Variants in CBLN2 observed in about 807,000 individuals in gnomAD.
CBLN2 encodes cerebellin 2 precursor.
A neutral mutation model predicts 15.0 loss-of-function variants in CBLN2; 7 were observed. The observed-to-expected ratio is 0.47, with a 90% CI of 0.27 to 0.88. The LOEUF (loss-of-function observed/expected upper bound fraction) is 0.88. Among genes scored for constraint, CBLN2 ranks in the 40% least tolerant of loss-of-function variants. CBLN2 has a pLI of 0.14. For synonymous variants in CBLN2, 149 were observed against 135.2 expected (o/e 1.10, Z -0.71); for missense variants, 242 against 304.5 (o/e 0.79, Z 1.53).
In CBLN2 at chr18:72,537,561, T is replaced by C. The variant is rs553546398; in HGVS notation, c.*615A>G. 6.5e-6 allele frequency: 1 copy of C among 152,728 alleles called. No homozygotes were observed. The highest frequency in any genetic ancestry group is 1.5e-5 in the Non-Finnish European group (1 of 68,048). 9.5% of individuals were successfully genotyped at this position (152,728 alleles called of 1,614,324 possible). Reference sequence around the variant, plus strand: ...AAACACAAACAATACAAAACAAAAATTGCAGTCCAATCGTGCAAAATTTGC... The same window carrying C: ...AAACACAAACAATACAAAACAAAAACTGCAGTCCAATCGTGCAAAATTTGC... On this transcript the variant is annotated 3_prime_UTR_variant, in exon 5 of 5. Transcript: ENST00000269503.
At chr18:72,633,482 C>T (rs942159928) in intron 1 of CBLN2, among the ~76,000 whole-genome samples, 13 of 152,172 alleles carry the variant, frequency 8.5e-5, no homozygotes, top group African/African-American at 3.1e-4. Context: ...CTTAAAACAT[C>T]ACCAGCTTAT....
chr18:72,591,657 C>T (rs2069480532), intron 1 of CBLN2, among the ~76,000 whole-genome samples: 1 of 152,092 alleles, frequency 6.6e-6, no homozygotes, highest in Non-Finnish European at 1.5e-5. Context: ...ACTACCCTTC[C>T]CAGCCTTTGG....
In CBLN2 at chr18:72,538,794, A is replaced by G. The variant is rs762619367; in HGVS notation, c.358-22T>C. 4 of 1,611,564 alleles carry G rather than the reference A, an allele frequency of 2.5e-6. No homozygotes were observed. The East Asian group carries it at 8.9e-5, about 36-fold the overall frequency. On this transcript the variant is annotated intron_variant, in intron 3 of 4. Coordinates refer to ENST00000269503, the MANE Select transcript of CBLN2 (RefSeq NM_182511.4). Reference sequence around the variant, plus strand: ...ATACCTGAAAAAGAAGAGGGAACACAGCACACAATGGCAAGCCCCTCCTCG... The same window carrying G: ...ATACCTGAAAAAGAAGAGGGAACACGGCACACAATGGCAAGCCCCTCCTCG...
Position 72,543,771 on chromosome 18 carries a change from C to T in CBLN2, c.-212+206G>A, listed in dbSNP as rs1185584466. ...CTGTGCGCCCAGGTGCCTCCAACCC[C>T]TGGGCTTCGCGCCCGCACCGCTGCC... On this transcript the variant is annotated intron_variant, in intron 1 of 4. Coordinates refer to ENST00000269503, the MANE Select transcript of CBLN2 (RefSeq NM_182511.4). This position sits in a 1 kb window ranked among gnomAD's most constrained non-coding sequence, Gnocchi z 6.8. 6.6e-6 allele frequency among the ~76,000 whole-genome samples: 1 copy of T among 151,870 alleles called. No homozygotes were observed. The highest frequency in any genetic ancestry group is 2.4e-5 in the African/African-American group (1 of 41,418).
intron 1 of CBLN2, among the ~76,000 whole-genome samples, chr18:72,609,821 G>A (rs768824400): frequency 6.6e-6 from 1 of 152,172 alleles, no homozygotes; most frequent in African/African-American, 2.4e-5. Flanking sequence ...AATGGAAATC[G>A]TTGTCACTAG....
intron 1 of CBLN2, among the ~76,000 whole-genome samples, chr18:72,625,987 T>C (rs1397313500): frequency 6.6e-6 from 1 of 151,672 alleles, no homozygotes; most frequent in Non-Finnish European, 1.5e-5. Flanking sequence ...AGTGTCCATT[T>C]CCGGTCATTT....
chr18:72,620,163 C>A (rs889659567), intron 1 of CBLN2: 3 of 152,294 alleles, frequency 2.0e-5, no homozygotes, highest in Non-Finnish European at 4.4e-5. Context: ...CCATGGACAG[C>A]TTAAATGTTA....
chr18:72,564,981 C>T (rs915572542), intron 1 of CBLN2, among the ~76,000 whole-genome samples: 7 of 152,010 alleles, frequency 4.6e-5, no homozygotes, highest in South Asian at 2.1e-4. Context: ...TAGGAGAGAA[C>T]GAGAAGACAT....
At chr18:72,538,541 T>G in intron 4 of CBLN2, 112 bp downstream of exon 4, 1 of 1,499,092 alleles carries the variant, frequency 6.7e-7, no homozygotes, top group Admixed American at 1.7e-5. Context: ...CATCACCCCC[T>G]GGACAGACCA....
intron 1 of CBLN2, among the ~76,000 whole-genome samples, chr18:72,619,469 A>C (rs1456267056): frequency 2.0e-5 from 3 of 152,212 alleles, no homozygotes; most frequent in South Asian, 2.1e-4. Context: ...CATTCCAACA[A>C]AGGGTTTTAA....
chr18:72,621,339 C>T (rs750732463), intron 1 of CBLN2, among the ~76,000 whole-genome samples: 3 of 152,014 alleles, frequency 2.0e-5, no homozygotes, highest in Admixed American at 6.5e-5. Flanking sequence ...TAATATTTTA[C>T]GTGATATTTT....
At chr18:72,634,324 T>C (rs1178947707) in intron 1 of CBLN2, among the ~76,000 whole-genome samples, 1 of 152,082 alleles carries the variant, frequency 6.6e-6, no homozygotes, top group African/African-American at 2.4e-5. Context: ...TAGTATTTCT[T>C]CTTTCTTTTT....
intron 1 of CBLN2, among the ~76,000 whole-genome samples, chr18:72,600,925 G>C (rs1413909662): frequency 6.6e-6 from 1 of 152,202 alleles, no homozygotes; most frequent in African/African-American, 2.4e-5. Context: ...GGTCCCAGCA[G>C]AGTCTGCAGT....
rs542378092 is a variant in CBLN2, at chr18:72,575,492, G to A, written c.16-36720C>T. Among the ~76,000 whole-genome samples the A allele has an allele frequency of 1.3e-3, 203 of 152,294 alleles. 1 individual carries two copies. The highest frequency in any genetic ancestry group is 3.4e-3 in the Middle Eastern group (1 of 294). On this transcript the variant is annotated intron_variant, in intron 1 of 2. Transcript: ENST00000581073. ...ATCTGCTGAGGCGGGATTCAAATGG[G>A]AAGGTTTTTAGGAAGGGGGGCGTGG...
intron 1 of CBLN2, among the ~76,000 whole-genome samples, chr18:72,557,250 G>A (rs148742441): frequency 5.9e-5 from 9 of 152,140 alleles, no homozygotes; most frequent in South Asian, 2.1e-4. Context: ...AATAAGATGC[G>A]TATGTACCAC....
At chr18:72,584,608 C>A (rs907202998) in intron 1 of CBLN2, among the ~76,000 whole-genome samples, 2 of 152,134 alleles carry the variant, frequency 1.3e-5, no homozygotes, top group African/African-American at 4.8e-5. Context: ...AGCCTACAAT[C>A]TTATTGTTTA....
At chr18:72,538,801 A>T in intron 3 of CBLN2, 29 bp from the exon 4 acceptor site, 1 of 1,610,262 alleles carries the variant, frequency 6.2e-7, no homozygotes, top group East Asian at 2.2e-5. Context: ...CACAGCACAC[A>T]ATGGCAAGCC....
intron 1 of CBLN2, among the ~76,000 whole-genome samples, chr18:72,602,127 C>T (rs2144943776): frequency 6.6e-6 from 1 of 152,328 alleles, no homozygotes; most frequent in Middle Eastern, 3.4e-3. Context: ...AGAACAAAGA[C>T]ATCCCCTTCC....
rs558438711 is a variant in CBLN2, at chr18:72,602,305, C to T, written c.15+36020G>A. Among the ~76,000 whole-genome samples the T allele has an allele frequency of 2.1e-4, 32 of 152,324 alleles. 1 individual carries two copies. Among genetic ancestry groups the T allele is most frequent in the Middle Eastern group, 6.8e-3 (2 of 294 alleles). ...GGTGGACGGCAAAGCCTGTTGCCGG[C>T]GGCTGTGCTCTGGGTCTGGTGAGGA... On this transcript the variant is annotated intron_variant, in intron 1 of 2. Transcript: ENST00000581073.
Sources: gnomAD v4.1 joint callset for allele counts (sites outside exome capture counted in the v4.1 genomes callset) on GRCh38, gnomAD v4.1.1 for gene constraint, Gnocchi (gnomAD v3.1) non-coding constraint, MANE v1.5 for transcripts, NCBI Gene and HGNC (gene_info 2026-07-23, HGNC 2026-07-21) for gene names.